SHROOM4: variants seen among roughly 807,000 people sequenced by gnomAD.
SHROOM4 encodes shroom family member 4, also known as protein Shroom4.
Under a neutral mutation model 80.3 loss-of-function variants are expected in SHROOM4, and 17 were observed. The observed-to-expected ratio is 0.21, with a 90% CI of 0.14 to 0.32. SHROOM4 has a LOEUF of 0.32. Ranked by LOEUF, SHROOM4 falls within the 10% of genes least tolerant of loss-of-function variation. SHROOM4 has a pLI of 1.00. For synonymous variants in SHROOM4, 400 were observed against 437.5 expected (o/e 0.91, Z 1.07); for missense variants, 993 against 1,140.3 (o/e 0.87, Z 1.86).
At chrX:50,651,650 G>C (rs1328963726) in intron 2 of SHROOM4, among the ~76,000 whole-genome samples, 1 of 111,224 alleles carries the variant, frequency 9.0e-6, no homozygotes, top group Admixed American at 9.5e-5. Context: ...TGTTACATTG[G>C]TATACACGTG....
chrX:50,627,255 T>G (rs1301214513), intron 5 of SHROOM4, among the ~76,000 whole-genome samples: 5 of 111,764 alleles, frequency 4.5e-5, no homozygotes, highest in Non-Finnish European at 9.4e-5. Context: ...GAGGTTCCAT[T>G]TCTTCATTTG....
intron 5 of SHROOM4, among the ~76,000 whole-genome samples, chrX:50,610,076 A>G (rs1557249506): frequency 9.0e-6 from 1 of 111,473 alleles, no homozygotes. Context: ...TATCCATTCA[A>G]TAATCATGAT....
intron 1 of SHROOM4, among the ~76,000 whole-genome samples, chrX:50,809,732 C>T (rs1317652260): frequency 1.8e-5 from 2 of 112,025 alleles, no homozygotes; most frequent in Admixed American, 1.9e-4. Flanking sequence ...CTACCATAAA[C>T]GAGCCAAGAA....
chrX:50,748,901 T>A (rs997998335), intron 1 of SHROOM4, among the ~76,000 whole-genome samples: 3 of 112,190 alleles, frequency 2.7e-5, no homozygotes, highest in Middle Eastern at 4.6e-3. Context: ...ATAAACATAG[T>A]CAAAAAGTTT....
intron 1 of SHROOM4, among the ~76,000 whole-genome samples, chrX:50,706,758 C>T (rs1226396013): frequency 9.0e-6 from 1 of 111,617 alleles, no homozygotes; most frequent in African/African-American, 3.3e-5. Context: ...CAGAATAATC[C>T]AGAATAATTA....
intron 1 of SHROOM4, among the ~76,000 whole-genome samples, chrX:50,747,092 C>T (rs1934787502): frequency 8.9e-6 from 1 of 111,795 alleles, no homozygotes; most frequent in Admixed American, 9.5e-5. Flanking sequence ...TGTCCCAGAT[C>T]ATATTCATAG....
intron 2 of SHROOM4, among the ~76,000 whole-genome samples, chrX:50,677,681 G>C (rs1569547471): frequency 9.0e-6 from 1 of 111,489 alleles, no homozygotes; most frequent in African/African-American, 3.3e-5. Flanking sequence ...GTGGTCCTAG[G>C]TGTTCTTCCC....
At chrX:50,756,429 T>C (rs184884158) in intron 1 of SHROOM4, among the ~76,000 whole-genome samples, 272 of 112,693 alleles carry the variant, frequency 2.4e-3, no homozygotes, top group African/African-American at 8.2e-3. Context: ...TTTTGGCTTG[T>C]GTGAGTCATG....
At chrX:50,694,330 TACCAGGATTCCCC>T (rs1942445765) in intron 2 of SHROOM4, among the ~76,000 whole-genome samples, 1 of 109,614 alleles carries the variant, frequency 9.1e-6, no homozygotes, top group Admixed American at 9.8e-5. Flanking sequence ...ACCAACAGTG[TACCAGGATTCCCC>T]ATTTTCCCAC....
Position 50,813,938 on chromosome X carries a change from C to A in SHROOM4, c.81G>T (p.Gly27=). The A allele has an allele frequency of 8.3e-7, 1 of 1,206,827 alleles. No individual in the cohort carries two copies. Among genetic ancestry groups the A allele is most frequent in the Non-Finnish European group, 1.1e-6 (1 of 892,152 alleles). Reference sequence around the variant, plus strand: ...TGAGCGGCTCACAGTGTTCCAGACCCCCCTTAAGGGTGAAGCCCCAGGGTG... The same window carrying A: ...TGAGCGGCTCACAGTGTTCCAGACCACCCTTAAGGGTGAAGCCCCAGGGTG... ...GGAPWGFTLK[G]GLEHCEPLTV... Residue 27 remains glycine, a synonymous_variant, in exon 1 of 9, where the codon GGG becomes GGT. Coordinates refer to ENST00000376020, the MANE Select transcript of SHROOM4 (RefSeq NM_020717.5).
intron 1 of SHROOM4, among the ~76,000 whole-genome samples, chrX:50,739,449 A>AT (rs1419228418): frequency 9.0e-6 from 1 of 111,489 alleles, no homozygotes; most frequent in Non-Finnish European, 1.9e-5. Context: ...AAGGGCTAAT[A>AT]TCCAGAATCT....
intron 6 of SHROOM4, among the ~76,000 whole-genome samples, chrX:50,604,453 T>C (rs1929580134): frequency 8.9e-6 from 1 of 111,893 alleles, no homozygotes; most frequent in Non-Finnish European, 1.9e-5. Context: ...TATGCTATAC[T>C]GCCAAAGGGA....
Position 50,634,640 on chromosome X carries a change from C to G in SHROOM4, c.1433G>C (p.Arg478Thr). 1 of 1,211,832 alleles carries G rather than the reference C, an allele frequency of 8.3e-7. No homozygotes were observed. The highest frequency in any genetic ancestry group is 1.1e-6 in the Non-Finnish European group (1 of 895,585). ...AACTAAAGACCTGTCATCCACTTGT[C>G]TGGTCTTTCTTTCTTTGCTGGACTG... ...HDQSSKERKT[R>T]QVDDRSLVLG... Residue 478 changes from arginine (R) to threonine (T), a missense_variant, in exon 4 of 9, where the codon AGA (arginine) becomes ACA (threonine). By Grantham distance (71) the Arg-to-Thr change is moderately conservative (BLOSUM62 -1). Transcript: ENST00000376020.
chrX:50,631,214 G>T (rs1931049907), intron 4 of SHROOM4, among the ~76,000 whole-genome samples: 1 of 111,225 alleles, frequency 9.0e-6, no homozygotes, highest in Non-Finnish European at 1.9e-5. Flanking sequence ...GATTTATCCT[G>T]GCAATGCTAG....
At chrX:50,581,006 G>A in the SHROOM4 span, among the ~76,000 whole-genome samples, 2 of 111,735 alleles carry the variant, frequency 1.8e-5, no homozygotes, top group Non-Finnish European at 3.8e-5. Context: ...AGGGAATATG[G>A]GAGCCAAAAA....
intron 1 of SHROOM4, among the ~76,000 whole-genome samples, chrX:50,792,407 G>A (rs1283534185): frequency 4.5e-5 from 5 of 110,186 alleles, no homozygotes; most frequent in Non-Finnish European, 9.5e-5. Context: ...TTGGGAGGCT[G>A]AGGCAGGAGA....
chrX:50,610,117 T>C (rs1039940072), intron 5 of SHROOM4, among the ~76,000 whole-genome samples: 1 of 111,118 alleles, frequency 9.0e-6, no homozygotes, highest in South Asian at 3.8e-4. Context: ...TAAAAAATAA[T>C]AATACACATA....
Position 50,602,636 on chromosome X carries a change from T to A in SHROOM4, c.3939A>T (p.Lys1313Asn), listed in dbSNP as rs147428900. 2 of 1,209,434 alleles carry A rather than the reference T, an allele frequency of 1.7e-6. No homozygotes were observed. Among genetic ancestry groups the A allele is most frequent in the African/African-American group, 3.5e-5 (2 of 57,020 alleles). The change falls in exon 7 of 9, where the codon AAA (lysine) becomes AAT (asparagine). Residue 1313 changes from lysine to asparagine, a missense_variant. Physicochemically the swap from Lys to Asn is moderately conservative, Grantham distance 94. Coordinates refer to ENST00000376020, the MANE Select transcript of SHROOM4 (RefSeq NM_020717.5). ...EEEVDHELAQ[K>N]KIQLIESISR... is the part of the protein sequence containing the mutation. Reference sequence around the variant, plus strand: ...AGGACACATCAAAAAACTTTACCTTTTTTTGAGCCAGTTCATGGTCAACTT... The same window carrying A: ...AGGACACATCAAAAAACTTTACCTTATTTTGAGCCAGTTCATGGTCAACTT...
chrX:50,666,797 T>G (rs1291941140), intron 2 of SHROOM4, among the ~76,000 whole-genome samples: 3 of 111,026 alleles, frequency 2.7e-5, no homozygotes, highest in Non-Finnish European at 3.8e-5. Flanking sequence ...TAAATTTAAA[T>G]CAAGCCTTTT....
Sources: gnomAD v4.1 joint callset for allele counts (sites outside exome capture counted in the v4.1 genomes callset) on GRCh38, gnomAD v4.1.1 for gene constraint, MANE v1.5 for transcripts, NCBI Gene and HGNC (gene_info 2026-07-23, HGNC 2026-07-21) for gene names.